The following NCOA1 variants were observed in gnomAD, a reference collection of about 807,000 sequenced individuals.
The protein encoded by NCOA1 is nuclear receptor coactivator 1, also known as Hin-2 protein.
NCOA1 carries 35 observed loss-of-function variants against 150.9 expected under a neutral mutation model. The ratio of observed to expected loss-of-function variants is 0.23; its 90% CI spans 0.18 to 0.31. The LOEUF (loss-of-function observed/expected upper bound fraction) is 0.31, where lower values mean the gene tolerates loss of function less well. Ranked by LOEUF, NCOA1 falls within the 10% of genes least tolerant of loss-of-function variation. The probability of loss-of-function intolerance (pLI) is 1.00; values close to 1 mark genes in which losing one functional copy is unlikely to be tolerated. For missense variants in NCOA1, 1,491 were observed against 1,749.3 expected (o/e 0.85, Z 2.63); for synonymous variants, 590 against 630.0 (o/e 0.94, Z 0.95).
intron 3 of NCOA1, among the ~76,000 whole-genome samples, chr2:24,588,855 A>G (rs1412358752): frequency 1.3e-5 from 2 of 152,220 alleles, no homozygotes; most frequent in African/African-American, 2.4e-5. Context: ...TGAAATCTGT[A>G]GTAGGATCAC....
At chr2:24,642,037 T>TGTGTGTGTGTGTGTGTGCGCGC (rs942145000) in intron 3 of NCOA1, among the ~76,000 whole-genome samples, 1,643 of 138,470 alleles carry the variant, frequency 0.012, 23 homozygotes, top group African/African-American at 0.023. Context: ...TGTGTGTGTG[T>TGTGTGTGTGTGTGTGTGCGCGC]GCGCGCGTGC....
At chr2:24,696,307 C>G (rs1672896544) in intron 10 of NCOA1, among the ~76,000 whole-genome samples, 1 of 152,048 alleles carries the variant, frequency 6.6e-6, no homozygotes, top group Non-Finnish European at 1.5e-5. Context: ...GAGGCACAAA[C>G]TGGATGATAG....
intron 1 of NCOA1, among the ~76,000 whole-genome samples, chr2:24,561,135 G>A (rs1386244055): frequency 6.6e-6 from 1 of 152,090 alleles, no homozygotes; most frequent in African/African-American, 2.4e-5. Flanking sequence ...TTTGTAAGAA[G>A]GCAGGAGGAA....
chr2:24,529,909 C>T (rs77065424), intron 1 of NCOA1, among the ~76,000 whole-genome samples: 1 of 152,148 alleles, frequency 6.6e-6, no homozygotes, highest in East Asian at 1.9e-4. Context: ...TATAGACATT[C>T]TTTACTTTTA....
intron 4 of NCOA1, among the ~76,000 whole-genome samples, chr2:24,657,124 C>G (rs188084426): frequency 6.6e-6 from 1 of 152,150 alleles, no homozygotes. Context: ...CATTTCTTCC[C>G]GGCACGGAAG....
intron 17 of NCOA1, among the ~76,000 whole-genome samples, chr2:24,730,405 TACAA>T (rs1361700684): frequency 6.6e-6 from 1 of 152,196 alleles, no homozygotes; most frequent in Non-Finnish European, 1.5e-5. Context: ...TTTTTTGAGA[TACAA>T]ACTATTTAAG....
intron 7 of NCOA1, among the ~76,000 whole-genome samples, chr2:24,675,678 A>G (rs952825256): frequency 5.3e-5 from 8 of 152,206 alleles, no homozygotes; most frequent in Admixed American, 5.2e-4. Context: ...TGAGGTCAGG[A>G]GTTCAAGAGC....
chr2:24,770,333 CAG>C lies in NCOA1; in HGVS notation c.*1943_*1944del, dbSNP rs1422322401. On this transcript the variant is annotated 3_prime_UTR_variant, in exon 23 of 23. Transcript: ENST00000348332. ...GCATTCCAGATGAAGTTTCCTGACT[CAG>C]TGCTTTTGCATAAGGAACTAGAAAA... 4.3e-6 allele frequency: 1 copy of C among 229,890 alleles called. No homozygotes were observed. Among genetic ancestry groups the C allele is most frequent in the African/African-American group, 2.2e-5 (1 of 45,072 alleles). The allele number at this position is 229,890 out of a possible 1,614,324, so 14.2% of individuals were successfully genotyped here.
intron 1 of NCOA1, among the ~76,000 whole-genome samples, chr2:24,504,125 A>C (rs1225756522): frequency 6.6e-6 from 1 of 152,078 alleles, no homozygotes; most frequent in East Asian, 1.9e-4. Flanking sequence ...ATAATGCTCT[A>C]CCCACAGTAT....
intron 20 of NCOA1, among the ~76,000 whole-genome samples, chr2:24,756,827 T>G (rs1323944101): frequency 1.3e-5 from 2 of 152,166 alleles, no homozygotes; most frequent in Non-Finnish European, 2.9e-5. Flanking sequence ...CTATTCTACT[T>G]CCTAATAGAG....
intron 1 of NCOA1, among the ~76,000 whole-genome samples, chr2:24,539,284 A>G (rs1035643011): frequency 1.3e-5 from 2 of 152,144 alleles, no homozygotes; most frequent in Non-Finnish European, 2.9e-5. Context: ...GGTTTTGTAC[A>G]ATGCCTAGAA....
intron 17 of NCOA1, among the ~76,000 whole-genome samples, chr2:24,738,995 A>G (rs1243586477): frequency 6.6e-6 from 1 of 152,158 alleles, no homozygotes; most frequent in African/African-American, 2.4e-5. Context: ...AGCTTGCTCA[A>G]CTTTCCCTTC....
rs1663422071 is a variant in NCOA1, at chr2:24,500,678, CT to C, written c.-396+9078del. 2.0e-5 allele frequency among the ~76,000 whole-genome samples: 3 copies of C among 152,304 alleles called. No homozygotes were observed. The South Asian group carries it at 6.2e-4, about 32-fold the overall frequency. ...TAAGAATGATCTAACTTAAAGATGA[CT>C]TACTCAGTATTTTTTCACAAAAAGA... is the stretch of plus-strand genomic sequence containing the variant. On this transcript the variant is annotated intron_variant, in intron 1 of 22. Transcript: ENST00000348332.
chr2:24,549,771 C>T (rs534253302), intron 1 of NCOA1, among the ~76,000 whole-genome samples: 12 of 152,126 alleles, frequency 7.9e-5, no homozygotes, highest in South Asian at 2.1e-4. Flanking sequence ...AGGGTTTCAC[C>T]GTGTTAACCA....
intron 1 of NCOA1, among the ~76,000 whole-genome samples, chr2:24,511,854 G>A (rs1219060924): frequency 6.6e-6 from 1 of 151,486 alleles, no homozygotes; most frequent in East Asian, 1.9e-4. Flanking sequence ...TTACATTTAG[G>A]TCTGATATAT....
At chr2:24,533,756 C>T (rs191007757) in intron 1 of NCOA1, among the ~76,000 whole-genome samples, 58 of 152,232 alleles carry the variant, frequency 3.8e-4, no homozygotes, top group Admixed American at 9.8e-4. Context: ...TTATCATTTG[C>T]GTATGTTGAA....
At chr2:24,522,404 C>G (rs1664453114) in intron 1 of NCOA1, among the ~76,000 whole-genome samples, 1 of 152,074 alleles carries the variant, frequency 6.6e-6, no homozygotes, top group Admixed American at 6.5e-5. Flanking sequence ...GTGTGCCAGC[C>G]TCATAAAAAT....
intron 3 of NCOA1, among the ~76,000 whole-genome samples, chr2:24,602,548 G>T (rs965312575): frequency 6.6e-6 from 1 of 152,024 alleles, no homozygotes; most frequent in Non-Finnish European, 1.5e-5. Flanking sequence ...CCAAATTTAC[G>T]TAGTAACTAG....
intron 1 of NCOA1, among the ~76,000 whole-genome samples, chr2:24,537,106 T>C (rs542867698): frequency 3.9e-5 from 6 of 152,078 alleles, no homozygotes; most frequent in African/African-American, 1.4e-4. Context: ...AAACCACCTG[T>C]ACCCCAAAAG....
Sources: allele counts gnomAD v4.1 joint callset (sites outside exome capture counted in the v4.1 genomes callset), GRCh38; gene constraint gnomAD v4.1.1; transcripts MANE v1.5; gene names NCBI Gene and HGNC (gene_info 2026-07-23, HGNC 2026-07-21).